The following SMUG1 variants were observed in gnomAD, a reference collection of about 807,000 sequenced individuals.
SMUG1 encodes the protein single-strand-selective monofunctional uracil-DNA glycosylase 1, also known as single-strand selective monofunctional uracil DNA glycosylase.
Under a neutral mutation model 23.9 loss-of-function variants are expected in SMUG1, and 13 were observed. The observed-to-expected ratio is 0.54, with a 90% CI of 0.35 to 0.86. The LOEUF is 0.86. Ranked by LOEUF, SMUG1 falls within the 40% of genes least tolerant of loss-of-function variation. The pLI is 0.01. For missense variants in SMUG1, 313 were observed against 339.5 expected, an observed-to-expected ratio of 0.92 and a Z score of 0.61; for synonymous variants, 133 against 139.8, an observed-to-expected ratio of 0.95 and a Z score of 0.34.
At chr12:54,174,335 G>C (rs1460766699) in intron 2 of SMUG1, among the ~76,000 whole-genome samples, 1 of 152,184 alleles carries the variant, frequency 6.6e-6, no homozygotes, top group Non-Finnish European at 1.5e-5. Context: ...CTGAGAGGGA[G>C]CTATAAGTCA....
intron 2 of SMUG1, among the ~76,000 whole-genome samples, chr12:54,173,487 T>C (rs1477911029): frequency 1.3e-5 from 2 of 151,894 alleles, no homozygotes; most frequent in East Asian, 1.9e-4. Flanking sequence ...GGGAGCTGGC[T>C]CGTAAAAGCC....
chr12:54,167,244 A>G (rs953534689), intron 3 of SMUG1, among the ~76,000 whole-genome samples: 1 of 152,240 alleles, frequency 6.6e-6, no homozygotes, highest in African/African-American at 2.4e-5. Flanking sequence ...TGCCTGAGGC[A>G]TAGTTTGTTA....
intron 2 of SMUG1, among the ~76,000 whole-genome samples, chr12:54,185,795 C>T (rs778653781): frequency 6.6e-6 from 1 of 152,054 alleles, no homozygotes; most frequent in African/African-American, 2.4e-5. Flanking sequence ...CCAGCCTGGG[C>T]TACAGAGGGA....
At position 54,187,809 on chromosome 12, in the gene SMUG1, A is replaced by C. The variant is rs1942818029; in HGVS notation, c.-20+10T>G. The stretch of plus-strand genomic sequence containing the variant: ...CTCATTTTTTTTTTCAATACTTATG[A>C]GTCTCTTACATGACAGGCACTGCAG... On this transcript the variant is annotated intron_variant, in intron 2 of 3. Coordinates refer to ENST00000682136, the MANE Select transcript of SMUG1 (RefSeq NM_001243787.2). The C allele has an allele frequency of 6.6e-6, 1 of 151,824 alleles. No individual in the cohort carries two copies. The allele number at this position is 151,824 out of a possible 1,614,324, so 9.4% of individuals were successfully genotyped here. A position where few individuals can be genotyped will look rare whatever the true frequency, so the allele number is the denominator to read the frequency against.
downstream of SMUG1, chr12:54,163,006 G>C (rs1400690706): frequency 6.6e-6 from 1 of 152,216 alleles, no homozygotes; most frequent in Non-Finnish European, 1.5e-5. Context: ...CAGCAGAGCT[G>C]GAGAGGAAAA....
At chr12:54,178,789 G>A (rs146400305), downstream of SMUG1, among the ~76,000 whole-genome samples, 6 of 152,256 alleles carry the variant, frequency 3.9e-5, no homozygotes, top group East Asian at 1.2e-3. Context: ...AATATTAACT[G>A]TCAACTTGAT....
downstream of SMUG1, among the ~76,000 whole-genome samples, chr12:54,178,051 A>G (rs1257721673): frequency 1.3e-5 from 2 of 152,224 alleles, no homozygotes; most frequent in South Asian, 2.1e-4. Flanking sequence ...GAAGAGAAAC[A>G]CCAGGGAGGT....
intron 2 of SMUG1, chr12:54,186,950 G>GATAAGGCTGACCACCAAGGGCCGACTT (rs1565839003): frequency 8.5e-5 from 13 of 152,362 alleles, no homozygotes; most frequent in African/African-American, 3.1e-4. Flanking sequence ...AGAGGCCAAG[G>GATAAGGCTGACCACCAAGGGCCGACTT]CAGAAGAATT....
In SMUG1 at chr12:54,181,222, C is replaced by A; in HGVS notation, c.*874G>T. The A allele has an allele frequency of 3.5e-6, 1 of 286,086 alleles. No homozygotes were observed. Among genetic ancestry groups the A allele is most frequent in the Non-Finnish European group, 6.6e-6 (1 of 152,060 alleles). 17.7% of individuals were successfully genotyped at this position (286,086 alleles called of 1,614,324 possible). A position where few individuals can be genotyped will look rare whatever the true frequency, so the allele number is the denominator to read the frequency against. On this transcript the variant is annotated 3_prime_UTR_variant, in exon 4 of 4. Transcript: ENST00000682136. ...AGTCATTGATCCATCTCTGACATGG[C>A]AAGAATTTTCCCTTCACCCTGGCCG...
intron 3 of SMUG1, chr12:54,183,146 A>AC: frequency 5.2e-6 from 1 of 193,092 alleles, no homozygotes; most frequent in South Asian, 1.8e-4. Flanking sequence ...CCTGCCAAGC[A>AC]CCCCCACTGG....
intron 3 of SMUG1, among the ~76,000 whole-genome samples, chr12:54,170,957 C>T (rs964130986): frequency 2.0e-5 from 3 of 151,658 alleles, no homozygotes; most frequent in African/African-American, 4.8e-5. Context: ...AATATTGCGG[C>T]GCCTAGACTC....
chr12:54,159,576 G>T (rs1402409781), intron 4 of SMUG1, among the ~76,000 whole-genome samples: 3 of 152,156 alleles, frequency 2.0e-5, no homozygotes, highest in Non-Finnish European at 4.4e-5. Context: ...TTATCTATGT[G>T]TAAGGGCCCC....
intron 3 of SMUG1, chr12:54,183,426 C>A: frequency 3.5e-6 from 2 of 579,146 alleles, no homozygotes; most frequent in Non-Finnish European, 3.1e-6. Flanking sequence ...CAATTACTGG[C>A]CAGCTCACAG....
downstream of SMUG1, among the ~76,000 whole-genome samples, chr12:54,178,343 C>G (rs2136557757): frequency 6.6e-6 from 1 of 152,254 alleles, no homozygotes; most frequent in African/African-American, 2.4e-5. Flanking sequence ...CCACTAGGAC[C>G]CAGACCCAGC....
At chr12:54,167,815 C>T (rs559731484) in intron 3 of SMUG1, among the ~76,000 whole-genome samples, 6 of 152,278 alleles carry the variant, frequency 3.9e-5, no homozygotes, top group African/African-American at 1.4e-4. Context: ...CCAAGGCCCC[C>T]ATATGCTTAT....
intron 2 of SMUG1, among the ~76,000 whole-genome samples, chr12:54,185,476 ATAAAATAAAAAATAAATAAATAAAT>A (rs1432649438): frequency 9.7e-6 from 1 of 102,786 alleles, no homozygotes; most frequent in East Asian, 2.8e-4. Flanking sequence ...TCAAAAAAAA[ATAAAATAAAAAATAAATAAATAAAT>A]AAATAAATAA....
At chr12:54,185,913 G>A (rs1220686435) in intron 2 of SMUG1, among the ~76,000 whole-genome samples, 1 of 152,088 alleles carries the variant, frequency 6.6e-6, no homozygotes, top group East Asian at 1.9e-4. Context: ...AGAGAAGGGA[G>A]GTGGGAGGAA....
In SMUG1 at chr12:54,170,836, A is replaced by T. The variant is rs530619975; in HGVS notation, c.*52+1189T>A. Among the ~76,000 whole-genome samples, 9 of 152,148 alleles carry T rather than the reference A, an allele frequency of 5.9e-5. No homozygotes were observed. In the South Asian group the frequency reaches 1.9e-3, roughly 32 times the overall value. On this transcript the variant is annotated intron_variant and NMD_transcript_variant, in intron 3 of 4. Coordinates refer to the SMUG1 transcript ENST00000509864. The stretch of plus-strand genomic sequence containing the variant: ...GGTCTCGAAGTCCTGGGCTCAAGTG[A>T]TCCTTCCACTTCAGCCTCCCAAAGT...
Position 54,182,492 on chromosome 12 carries a change from G to T in SMUG1, c.417C>A (p.Ala139=). The change falls in exon 4 of 4, where the codon GCC becomes GCA. Residue 139 remains alanine, a synonymous_variant. Transcript: ENST00000682136. ...GGTTCCGGAAAAAGCCCCAGAATCG[G>T]GCACCACTCACTTCTGACTGTGGGC... ...LECPQSEVSG[A]RFWGFFRNLC... 1.2e-6 allele frequency: 2 copies of T among 1,614,030 alleles called. No homozygotes were observed. The highest frequency in any genetic ancestry group is 1.7e-6 in the Non-Finnish European group (2 of 1,180,002).
Sources: allele counts gnomAD v4.1 joint callset (sites outside exome capture counted in the v4.1 genomes callset), GRCh38; gene constraint gnomAD v4.1.1; transcripts MANE v1.5; gene names NCBI Gene and HGNC (gene_info 2026-07-23, HGNC 2026-07-21).